The following NCOA5 variants were observed in gnomAD, a reference collection of about 807,000 sequenced individuals.
NCOA5 encodes nuclear receptor coactivator 5.
In NCOA5, 12 loss-of-function variants were observed where a neutral mutation model predicts 59.0. The ratio of observed to expected loss-of-function variants is 0.20; its 90% CI spans 0.13 to 0.33. The LOEUF (loss-of-function observed/expected upper bound fraction) is 0.33. NCOA5 is among the 10% of genes least tolerant of loss of function. The probability of loss-of-function intolerance (pLI) is 1.00; values close to 1 mark genes in which losing one functional copy is unlikely to be tolerated. For synonymous variants in NCOA5, 270 were observed against 275.5 expected, an observed-to-expected ratio of 0.98 and a Z score of 0.20; for missense variants, 655 against 766.6, an observed-to-expected ratio of 0.85 and a Z score of 1.72.
chr20:46,082,624 T>C (rs771888167), intron 1 of NCOA5, among the ~76,000 whole-genome samples: 1 of 152,236 alleles, frequency 6.6e-6, no homozygotes, highest in Non-Finnish European at 1.5e-5. Context: ...TTCTATACTT[T>C]GTTAATTATA....
chr20:46,065,036 G>A lies in NCOA5; in HGVS notation c.822C>T (p.Thr274=), dbSNP rs770898276. ...GGTATTCTGACTCTGTACCTTGCGGGGTTCCAAACATGATGTTGACTGTGC... is the reference window on the plus strand; with the variant it reads ...GGTATTCTGACTCTGTACCTTGCGGAGTTCCAAACATGATGTTGACTGTGC... ...RSCTVNIMFG[T]PQEHRNMPQA... is the part of the protein sequence containing the mutation. Residue 274 remains threonine, a synonymous_variant, in exon 6 of 8, where the codon ACC becomes ACT. Transcript: ENST00000290231. The A allele has an allele frequency of 6.2e-7, 1 of 1,614,134 alleles. No homozygotes were observed. Among genetic ancestry groups the A allele is most frequent in the East Asian group, 2.2e-5 (1 of 44,884 alleles).
chr20:46,069,818 A>C (rs2084862937), intron 3 of NCOA5, among the ~76,000 whole-genome samples: 1 of 152,038 alleles, frequency 6.6e-6, no homozygotes, highest in Non-Finnish European at 1.5e-5. Context: ...ACTGCTATGC[A>C]TATTCATGTA....
Position 46,061,392 on chromosome 20 carries a change from C to T in NCOA5, c.*908G>A, listed in dbSNP as rs1164688479. The T allele has an allele frequency of 1.3e-5, 2 of 152,666 alleles. No individual in the cohort carries two copies. The highest frequency in any genetic ancestry group is 6.5e-5 in the Admixed American group (1 of 15,286). 9.5% of individuals were successfully genotyped at this position (152,666 alleles called of 1,614,324 possible). ...AGTCTGACATCAAAGTGGTCCCTAC[C>T]TCCTGCTGCTCAGGAAACAGAATAA... On this transcript the variant is annotated 3_prime_UTR_variant, in exon 8 of 8. Coordinates refer to ENST00000290231, the MANE Select transcript of NCOA5 (RefSeq NM_020967.3).
intron 3 of NCOA5, 68 bp downstream of exon 3, chr20:46,070,141 TC>T: frequency 7.9e-7 from 1 of 1,260,690 alleles, no homozygotes. Flanking sequence ...TACAGAGCTT[TC>T]AATTAGTTTA....
At chr20:46,087,868 T>C (rs2085060015) in intron 1 of NCOA5, among the ~76,000 whole-genome samples, 1 of 152,148 alleles carries the variant, frequency 6.6e-6, no homozygotes. Context: ...TTCTCAGAAA[T>C]GTGAAGAAAA....
chr20:46,082,338 A>C (rs2085000543), intron 1 of NCOA5, among the ~76,000 whole-genome samples: 1 of 152,186 alleles, frequency 6.6e-6, no homozygotes, highest in Non-Finnish European at 1.5e-5. Context: ...AGCAAATAGA[A>C]ATGGTGTTAA....
intron 1 of NCOA5, among the ~76,000 whole-genome samples, chr20:46,081,239 G>A (rs2084988900): frequency 6.6e-6 from 1 of 152,082 alleles, no homozygotes; most frequent in African/African-American, 2.4e-5. Flanking sequence ...ACACTGACTA[G>A]ACCTGGCAAA....
chr20:46,068,059 T>A (rs1454895722), intron 4 of NCOA5, among the ~76,000 whole-genome samples: 2 of 151,954 alleles, frequency 1.3e-5, no homozygotes, highest in Non-Finnish European at 2.9e-5. Flanking sequence ...GCCCCCCGAG[T>A]AGCTGGGACT....
At chr20:46,089,695 G>C (rs945188127) in intron 1 of NCOA5, 122 bp downstream of exon 1, 1 of 152,064 alleles carries the variant, frequency 6.6e-6, no homozygotes, top group African/African-American at 2.4e-5. Context: ...GAGGAGCCGA[G>C]ACCGTGGCCG....
intron 6 of NCOA5, among the ~76,000 whole-genome samples, chr20:46,063,894 A>G (rs978477818): frequency 6.6e-6 from 1 of 152,104 alleles, no homozygotes; most frequent in Non-Finnish European, 1.5e-5. Context: ...GCACCTTTAT[A>G]TACAGCTGGT....
chr20:46,083,410 C>A lies in NCOA5; in HGVS notation c.-29-3957G>T, dbSNP rs78566750. Among the ~76,000 whole-genome samples, 12 of 152,332 alleles carry A rather than the reference C, an allele frequency of 7.9e-5. No homozygotes were observed. In the East Asian group the frequency reaches 2.3e-3, roughly 29 times the overall value. Reference sequence around the variant, plus strand: ...TGTCTCTGCTTTCCTCAGCTCCCTTCTCTGTTTATAAAGCCAAACGCCTCT... The same window carrying A: ...TGTCTCTGCTTTCCTCAGCTCCCTTATCTGTTTATAAAGCCAAACGCCTCT... On this transcript the variant is annotated intron_variant, in intron 1 of 7. Coordinates refer to ENST00000290231, the MANE Select transcript of NCOA5 (RefSeq NM_020967.3).
At chr20:46,076,750 T>C (rs937884204) in intron 2 of NCOA5, among the ~76,000 whole-genome samples, 5 of 152,104 alleles carry the variant, frequency 3.3e-5, no homozygotes, top group Non-Finnish European at 4.4e-5. Flanking sequence ...GGATTGTTAA[T>C]GGAATTTGAA....
chr20:46,063,276 T>TG, intron 7 of NCOA5, 84 bp downstream of exon 7: 1 of 1,435,698 alleles, frequency 7.0e-7, no homozygotes, highest in Non-Finnish European at 9.4e-7. Flanking sequence ...CAAAGAGCCC[T>TG]GGGCCTGACA....
At chr20:46,071,532 C>G (rs767315068) in intron 2 of NCOA5, among the ~76,000 whole-genome samples, 1 of 152,140 alleles carries the variant, frequency 6.6e-6, no homozygotes, top group African/African-American at 2.4e-5. Context: ...AAAAATCAAC[C>G]TACTTGCTTT....
intron 5 of NCOA5, 122 bp downstream of exon 5, chr20:46,066,933 G>A (rs1295173391): frequency 8.9e-7 from 1 of 1,121,870 alleles, no homozygotes; most frequent in South Asian, 1.9e-5. Flanking sequence ...AAGAACCCTG[G>A]CTAACAGCGC....
At chr20:46,087,238 G>T (rs1261507135) in intron 1 of NCOA5, among the ~76,000 whole-genome samples, 1 of 152,116 alleles carries the variant, frequency 6.6e-6, no homozygotes, top group Non-Finnish European at 1.5e-5. Context: ...TCAAAAACAA[G>T]AGAACAACCT....
intron 1 of NCOA5, among the ~76,000 whole-genome samples, chr20:46,088,670 C>A (rs1986303140): frequency 6.6e-6 from 1 of 152,204 alleles, no homozygotes; most frequent in African/African-American, 2.4e-5. Flanking sequence ...TTCCCTGGGA[C>A]TAACACTTTT....
intron 5 of NCOA5, among the ~76,000 whole-genome samples, chr20:46,066,774 T>C (rs116583039): frequency 0.019 from 2,867 of 152,308 alleles, 105 homozygotes; most frequent in African/African-American, 0.066. Flanking sequence ...AGGAAAACAG[T>C]GCTTAGAGAC....
chr20:46,083,945 A>G (rs1433526111), intron 1 of NCOA5, among the ~76,000 whole-genome samples: 1 of 152,334 alleles, frequency 6.6e-6, no homozygotes, highest in Non-Finnish European at 1.5e-5. Context: ...CAACCCTTTA[A>G]GTTCACTTTG....
Sources: allele counts gnomAD v4.1 joint callset (sites outside exome capture counted in the v4.1 genomes callset), GRCh38; gene constraint gnomAD v4.1.1; transcripts MANE v1.5; gene names NCBI Gene and HGNC (gene_info 2026-07-23, HGNC 2026-07-21).